Variants in DMBT1 observed in about 807,000 individuals in gnomAD.
DMBT1 encodes scavenger receptor cysteine-rich domain-containing protein DMBT1.
Under a neutral mutation model 252.9 loss-of-function variants are expected in DMBT1, and 198 were observed. The ratio of observed to expected loss-of-function variants is 0.78; its 90% confidence interval spans 0.70 to 0.88. The LOEUF (loss-of-function observed/expected upper bound fraction) is 0.88, where lower values mean the gene tolerates loss of function less well. DMBT1 is among the 40% of genes least tolerant of loss of function. The probability of loss-of-function intolerance (pLI) is 0.00; values close to 1 mark genes in which losing one functional copy is unlikely to be tolerated. For missense variants in DMBT1, 2,432 were observed against 2,404.7 expected, an observed-to-expected ratio of 1.01 and a Z score of -0.24; for synonymous variants, 990 against 942.7, an observed-to-expected ratio of 1.05 and a Z score of -0.92.
At chr10:122,625,689 T>G (rs2098113778) in intron 45 of DMBT1, among the ~76,000 whole-genome samples, 1 of 152,230 alleles carries the variant, frequency 6.6e-6, no homozygotes, top group Non-Finnish European at 1.5e-5. Context: ...AAAGAATACT[T>G]TCACTTTGAG....
At chr10:122,617,350 C>G in intron 40 of DMBT1, 90 bp downstream of exon 40, 1 of 1,465,398 alleles carries the variant, frequency 6.8e-7, no homozygotes, top group Non-Finnish European at 9.5e-7. Context: ...AAGGTGGGCC[C>G]CTCTCTTTTC....
intron 40 of DMBT1, 68 bp from the exon 41 acceptor site, chr10:122,617,949 G>C: frequency 6.3e-7 from 1 of 1,598,434 alleles, no homozygotes. Context: ...TACCCTGAGT[G>C]TGGAACTTGC....
chr10:122,620,185 G>A (rs2098049594), intron 42 of DMBT1, 68 bp from the exon 43 acceptor site: 1 of 1,538,290 alleles, frequency 6.5e-7, no homozygotes, highest in African/African-American at 1.4e-5. Flanking sequence ...GCCTGGTTCA[G>A]AGATTTTTTT....
intron 3 of DMBT1, 128 bp from the exon 4 acceptor site, chr10:122,570,762 T>A: frequency 8.4e-7 from 1 of 1,193,196 alleles, no homozygotes; most frequent in Non-Finnish European, 1.2e-6. Flanking sequence ...CATGGTTGGC[T>A]TTTAGCAATG....
chr10:122,598,783 C>G lies in DMBT1; in HGVS notation c.2966C>G (p.Ser989Cys), dbSNP rs372582382. Residue 989 changes from serine (S) to cysteine (C), a missense_variant, in exon 26 of 56, where the codon TCC becomes TGC. By Grantham distance (112) the Ser-to-Cys change is moderately radical (BLOSUM62 -1). Coordinates refer to ENST00000338354, the MANE Select transcript of DMBT1 (RefSeq NM_001377530.1). ...TLPASTVGSE[S>C]SLALRLVNGG... ...TTGTGTTCCCCTGTAGGATCTGAAT[C>G]CAGTTTGGCCCTGAGGCTGGTGAAT... 3.7e-6 allele frequency: 6 copies of G among 1,613,218 alleles called. No homozygotes were observed. Among genetic ancestry groups the G allele is most frequent in the South Asian group, 3.3e-5 (3 of 91,034 alleles).
chr10:122,634,749 G>A (rs568997342), intron 52 of DMBT1, among the ~76,000 whole-genome samples: 4 of 152,008 alleles, frequency 2.6e-5, no homozygotes, highest in African/African-American at 7.2e-5. Context: ...CTCCCACCTC[G>A]GCCTCCCAAA....
Position 122,580,906 on chromosome 10 carries a change from A to T in DMBT1, c.1033+11A>T, listed in dbSNP as rs1162344961. On this transcript the variant is annotated intron_variant, in intron 11 of 55. Coordinates refer to ENST00000338354, the MANE Select transcript of DMBT1 (RefSeq NM_001377530.1). ...CGACACCCAGCCCAGGTAGGTCCCC[A>T]GTGTCCTTCCTCAAAATGTCCCTTC... 1 of 1,613,520 alleles carries T rather than the reference A, an allele frequency of 6.2e-7. No homozygotes were observed. The highest frequency in any genetic ancestry group is 8.5e-7 in the Non-Finnish European group (1 of 1,179,822).
In DMBT1 at chr10:122,585,148, G is replaced by A; in HGVS notation, c.1421-123G>A. On this transcript the variant is annotated intron_variant, in intron 14 of 55. Coordinates refer to ENST00000338354, the MANE Select transcript of DMBT1 (RefSeq NM_001377530.1). Reference sequence around the variant, plus strand: ...GCAGACTTGGGCAGACACATGGGGAGCAAAGTGGCAGGAATCAGAAGTGGG... The same window carrying A: ...GCAGACTTGGGCAGACACATGGGGAACAAAGTGGCAGGAATCAGAAGTGGG... 3.8e-6 allele frequency: 5 copies of A among 1,299,552 alleles called. 1 individual carries two copies. Among genetic ancestry groups the A allele is most frequent in the Non-Finnish European group, 4.4e-6 (4 of 916,862 alleles). 80.5% of individuals were successfully genotyped at this position (1,299,552 alleles called of 1,614,324 possible).
Position 122,561,435 on chromosome 10 carries a change from A to T in DMBT1, c.61+604A>T, listed in dbSNP as rs1389789221. On this transcript the variant is annotated intron_variant, in intron 1 of 55. Transcript: ENST00000338354. ...CAAGCATAGCTGTATGTTCTTAGAG[A>T]GTCAGATGATAAACGTGAGAGAGCC... Among the ~76,000 whole-genome samples the T allele has an allele frequency of 2.2e-5, 2 of 92,776 alleles. 1 individual carries two copies. The highest frequency in any genetic ancestry group is 6.0e-5 in the African/African-American group (2 of 33,274). 60.9% of individuals were successfully genotyped at this position (92,776 alleles called of 152,430 possible).
At chr10:122,566,027 G>A in intron 2 of DMBT1, 31 bp downstream of exon 2, 1 of 1,613,244 alleles carries the variant, frequency 6.2e-7, no homozygotes, top group South Asian at 1.1e-5. Context: ...CTCTTCCCTG[G>A]TGGGGTTGGC....
intron 46 of DMBT1, among the ~76,000 whole-genome samples, chr10:122,628,434 G>A (rs888929814): frequency 6.6e-6 from 1 of 152,124 alleles, no homozygotes; most frequent in African/African-American, 2.4e-5. Flanking sequence ...TCAGGACTTC[G>A]AGACCAGCCT....
intron 46 of DMBT1, among the ~76,000 whole-genome samples, chr10:122,628,286 A>G (rs1222915376): frequency 6.6e-6 from 1 of 152,254 alleles, no homozygotes; most frequent in African/African-American, 2.4e-5. Flanking sequence ...ATCATGGTGA[A>G]TCGAGAAACA....
rs199926044 is a variant in DMBT1, at chr10:122,618,202, T to C, written c.5077T>C (p.Phe1693Leu). The change falls in exon 41 of 56, where the codon TTT becomes CTT. Residue 1693 changes from phenylalanine to leucine, a missense_variant. This residue lies in a region of DMBT1 where 1,162 missense variants were observed against 1,169.0 expected (regional missense o/e 0.99). Transcript: ENST00000338354. ...WAMSAPGNAQ[F>L]GQGSGPIVLD... ...CATGTCAGCCCCAGGAAATGCCCAG[T>C]TTGGCCAGGGCTCAGGACCCATTGT... 1.6e-4 allele frequency: 255 copies of C among 1,613,694 alleles called. No homozygotes were observed. The highest frequency in any genetic ancestry group is 1.1e-4 in the Non-Finnish European group (127 of 1,179,826).
chr10:122,566,969 C>G (rs539060658), intron 2 of DMBT1, among the ~76,000 whole-genome samples: 3 of 152,308 alleles, frequency 2.0e-5, no homozygotes, highest in Admixed American at 6.5e-5. Context: ...TCCTCTTACC[C>G]CTGCCCTGGT....
rs147953667 is a variant in DMBT1, at chr10:122,564,325, C to T, written c.62-1642C>T. On this transcript the variant is annotated intron_variant, in intron 1 of 55. Coordinates refer to ENST00000338354, the MANE Select transcript of DMBT1 (RefSeq NM_001377530.1). ...CACATTTACAAAGAATCTGAAGAGC[C>T]GGGCATGGTGACACATGCCTGTAGT... 5.3e-5 allele frequency among the ~76,000 whole-genome samples: 8 copies of T among 152,204 alleles called. No individual in the cohort carries two copies. The East Asian group carries it at 7.7e-4, about 15-fold the overall frequency.
At chr10:122,619,183 T>C in intron 41 of DMBT1, 125 bp from the exon 42 acceptor site, 1 of 1,249,768 alleles carries the variant, frequency 8.0e-7, no homozygotes, top group Non-Finnish European at 1.2e-6. Flanking sequence ...GCAATGCCCC[T>C]CCCTCTGTGA....
In DMBT1 at chr10:122,586,355, T is replaced by G; in HGVS notation, c.1755T>G (p.His585Gln). Residue 585 changes from histidine to glutamine, a missense_variant, in exon 16 of 56, where the codon CAT (histidine) becomes CAG (glutamine). Physicochemically the swap from His to Gln is conservative, Grantham distance 24 (BLOSUM62 0). Coordinates refer to ENST00000338354, the MANE Select transcript of DMBT1 (RefSeq NM_001377530.1). ...GCTGGCTCTCCCATAACTGTGGCCA[T>G]AGTGAAGACGCTGGTGTCATCTGCT... ...HNGWLSHNCG[H>Q]SEDAGVICSG... is the part of the protein sequence containing the mutation. 1 of 1,588,048 alleles carries G rather than the reference T, an allele frequency of 6.3e-7. No individual in the cohort carries two copies. Among genetic ancestry groups the G allele is most frequent in the Non-Finnish European group, 8.6e-7 (1 of 1,165,518 alleles).
intron 25 of DMBT1, 112 bp downstream of exon 25, chr10:122,598,124 C>T (rs930144700): frequency 2.0e-6 from 3 of 1,502,052 alleles, no homozygotes; most frequent in South Asian, 1.2e-5. Flanking sequence ...TTTCATGTCC[C>T]TGTGGGTTGC....
At position 122,637,204 on chromosome 10, in the gene DMBT1, T is replaced by C; in HGVS notation, c.6834T>C (p.Ser2278=). The part of the protein sequence containing the change: ...SYLQSLGFSA[S]DLVISTWNGY... ...TCCAATCCTTGGGCTTTTCTGCCAGTGACCTTGTCATTTCCACCTGGAATG... is the reference window on the plus strand; with the variant it reads ...TCCAATCCTTGGGCTTTTCTGCCAGCGACCTTGTCATTTCCACCTGGAATG... Residue 2278 remains serine (S), a synonymous_variant, in exon 54 of 56, where the codon AGT becomes AGC. Transcript: ENST00000338354. 6.2e-7 allele frequency: 1 copy of C among 1,614,044 alleles called. No homozygotes were observed. Among genetic ancestry groups the C allele is most frequent in the South Asian group, 1.1e-5 (1 of 91,084 alleles).
Sources: allele counts gnomAD v4.1 joint callset (sites outside exome capture counted in the v4.1 genomes callset), GRCh38; gene constraint gnomAD v4.1.1; regional missense constraint gnomAD v4.1.1; transcripts MANE v1.5; gene names NCBI Gene and HGNC (gene_info 2026-07-23, HGNC 2026-07-21).